The following GABRA3 variants were observed in gnomAD, a reference collection of about 807,000 sequenced individuals.
GABRA3 encodes the protein gamma-aminobutyric acid receptor subunit alpha-3.
GABRA3 carries 10 observed loss-of-function variants against 30.1 expected under a neutral mutation model. The ratio of observed to expected loss-of-function variants is 0.33; its 90% confidence interval spans 0.20 to 0.56. The LOEUF (loss-of-function observed/expected upper bound fraction) is 0.56, where lower values mean the gene tolerates loss of function less well. Ranked by LOEUF, GABRA3 falls within the 20% of genes least tolerant of loss-of-function variation. The pLI is 0.89. For synonymous variants in GABRA3, 151 were observed against 146.8 expected, an observed-to-expected ratio of 1.03 and a Z score of -0.21; for missense variants, 233 against 392.0, an observed-to-expected ratio of 0.59 and a Z score of 3.42.
intron 7 of GABRA3, among the ~76,000 whole-genome samples, chrX:152,198,318 C>T (rs1428692845): frequency 8.9e-6 from 1 of 112,027 alleles, no homozygotes; most frequent in Non-Finnish European, 1.9e-5. Flanking sequence ...CTCCGCTGTT[C>T]TAATGTACTT....
rs1281600625 is a variant in GABRA3 at position 152,271,876 on chromosome X, A to G, written c.330+12792T>C. On this transcript the variant is annotated intron_variant, in intron 4 of 9. Coordinates refer to ENST00000370314, the MANE Select transcript of GABRA3 (RefSeq NM_000808.4). The stretch of plus-strand genomic sequence containing the variant: ...CATTGCTTTGGAGGGTGCAGCCCCC[A>G]AGCCTTGGCAGTTTCCATGTGATGT... Among the ~76,000 whole-genome samples, 3 of 112,040 alleles carry G rather than the reference A, an allele frequency of 2.7e-5. No individual in the cohort carries two copies. The South Asian group carries it at 1.1e-3, about 42-fold the overall frequency.
intron 1 of GABRA3, among the ~76,000 whole-genome samples, chrX:152,418,336 T>C (rs1930287133): frequency 8.9e-6 from 1 of 111,843 alleles, no homozygotes; most frequent in South Asian, 3.7e-4. Flanking sequence ...ATATATTCTC[T>C]GACCACAATT....
At chrX:152,177,249 T>C (rs752274993) in intron 9 of GABRA3, among the ~76,000 whole-genome samples, 1 of 111,488 alleles carries the variant, frequency 9.0e-6, no homozygotes, top group South Asian at 3.8e-4. Flanking sequence ...GGTCATTCAA[T>C]GAAGAAGCTG....
At position 152,275,243 on chromosome X, in the gene GABRA3, T is replaced by TTATATA. The variant is rs1221085691; in HGVS notation, c.330+9419_330+9424dup. Among the ~76,000 whole-genome samples, 2 of 60,113 alleles carry TTATATA rather than the reference T, an allele frequency of 3.3e-5. 1 individual carries two copies. Among genetic ancestry groups the TTATATA allele is most frequent in the African/African-American group, 1.5e-4 (2 of 13,055 alleles). The allele number at this position is 60,113 out of a possible 115,157, so 52.2% of individuals were successfully genotyped here. On this transcript the variant is annotated intron_variant, in intron 4 of 9. Coordinates refer to ENST00000370314, the MANE Select transcript of GABRA3 (RefSeq NM_000808.4). ...ATATATATAATTTATATATATTTTA[T>TTATATA]TATATATAATAAAATATATATAAAT...
chrX:152,364,363 C>G (rs1928595081), intron 2 of GABRA3, 68 bp downstream of exon 2: 1 of 1,061,560 alleles, frequency 9.4e-7, no homozygotes, highest in African/African-American at 1.9e-5. Flanking sequence ...GGGAAAACAT[C>G]AGAAGTTTTG....
chrX:152,371,182 A>G (rs950058396), intron 1 of GABRA3, among the ~76,000 whole-genome samples: 1 of 111,125 alleles, frequency 9.0e-6, no homozygotes, highest in African/African-American at 3.3e-5. Flanking sequence ...ATGTCCCACG[A>G]TCCTTTTGCA....
At chrX:152,225,432 GCACACACACACA>G (rs60046142) in intron 5 of GABRA3, among the ~76,000 whole-genome samples, 1 of 96,489 alleles carries the variant, frequency 1.0e-5, no homozygotes, top group Non-Finnish European at 2.1e-5. Context: ...ACACACACAC[GCACACACACACA>G]CACACACACA....
chrX:152,181,673 G>C (rs2124336003), intron 9 of GABRA3, among the ~76,000 whole-genome samples: 1 of 109,790 alleles, frequency 9.1e-6, no homozygotes, highest in African/African-American at 3.3e-5. Context: ...GCCTGTTGTG[G>C]GGTGGGAGGC....
At chrX:152,230,578 A>G (rs1288065393) in intron 5 of GABRA3, among the ~76,000 whole-genome samples, 2 of 111,255 alleles carry the variant, frequency 1.8e-5, no homozygotes, top group Non-Finnish European at 3.8e-5. Context: ...AAGCTACAGT[A>G]ATCAATATGG....
At chrX:152,193,241 C>A (rs746717524) in intron 8 of GABRA3, among the ~76,000 whole-genome samples, 11 of 111,109 alleles carry the variant, frequency 9.9e-5, no homozygotes, top group Non-Finnish European at 2.1e-4. Context: ...CTTTCATTTT[C>A]TATGGATTAG....
intron 4 of GABRA3, among the ~76,000 whole-genome samples, chrX:152,271,633 T>C (rs963263588): frequency 5.3e-5 from 6 of 112,343 alleles, no homozygotes; most frequent in Admixed American, 9.4e-5. Context: ...TAATGAGGAA[T>C]TGAATGCTAA....
At chrX:152,277,761 G>A (rs1170170517) in intron 4 of GABRA3, among the ~76,000 whole-genome samples, 1 of 111,850 alleles carries the variant, frequency 8.9e-6, no homozygotes, top group Non-Finnish European at 1.9e-5. Context: ...TCTGCCTCCT[G>A]GGAAAGACGC....
intron 8 of GABRA3, among the ~76,000 whole-genome samples, chrX:152,196,353 G>A (rs1412385549): frequency 2.0e-5 from 2 of 98,678 alleles, no homozygotes; most frequent in African/African-American, 3.8e-5. Context: ...AGCCGAGAAC[G>A]CTCTATTGAA....
chrX:152,405,306 C>CAA (rs1182138088), intron 1 of GABRA3, among the ~76,000 whole-genome samples: 370 of 33,610 alleles, frequency 0.011, 6 homozygotes, highest in East Asian at 0.024. Context: ...CGCACCCTTG[C>CAA]AAAAAAAAAA....
At position 152,419,235 on chromosome X, in the gene GABRA3, C is replaced by T. The variant is rs184339349; in HGVS notation, c.-27+31911G>A. 3.7e-3 allele frequency among the ~76,000 whole-genome samples: 405 copies of T among 110,575 alleles called. 14 individuals are homozygous for T. The East Asian group carries it at 0.071, about 19-fold the overall frequency. ...TCTGCACACCAACATGGCACATGTA[C>T]ACATATGTAACAAACCTGCACGTTG... On this transcript the variant is annotated intron_variant, in intron 1 of 9. Transcript: ENST00000370314.
At chrX:152,332,186 G>C (rs992226987) in intron 3 of GABRA3, among the ~76,000 whole-genome samples, 3 of 112,071 alleles carry the variant, frequency 2.7e-5, no homozygotes, top group South Asian at 3.7e-4. Flanking sequence ...TCTGTGTGCT[G>C]TTTCTTATCC....
At chrX:152,417,338 C>T (rs1305486122) in intron 1 of GABRA3, among the ~76,000 whole-genome samples, 4 of 104,687 alleles carry the variant, frequency 3.8e-5, no homozygotes, top group Non-Finnish European at 7.7e-5. Flanking sequence ...CCACCTCACA[C>T]CAGTTAGAAT....
intron 1 of GABRA3, among the ~76,000 whole-genome samples, chrX:152,416,136 C>T (rs2124533897): frequency 9.9e-6 from 1 of 100,911 alleles, no homozygotes; most frequent in East Asian, 3.1e-4. Context: ...TTGTCTCAGC[C>T]CAAAATCTCC....
chrX:152,243,673 G>T (rs777860392), intron 5 of GABRA3, among the ~76,000 whole-genome samples: 41 of 111,678 alleles, frequency 3.7e-4, no homozygotes, highest in Non-Finnish European at 5.8e-4. Context: ...AAGACAAGAA[G>T]TCTAACGACT....
Sources: gnomAD v4.1 joint callset for allele counts (sites outside exome capture counted in the v4.1 genomes callset) on GRCh38, gnomAD v4.1.1 for gene constraint, MANE v1.5 for transcripts, NCBI Gene and HGNC (gene_info 2026-07-23, HGNC 2026-07-21) for gene names.